HOXB3: variants seen among roughly 807,000 people sequenced by gnomAD.
HOXB3 encodes the protein homeobox protein Hox-B3.
In HOXB3, 17 loss-of-function variants were observed where a neutral mutation model predicts 29.2. That is an observed-to-expected ratio of 0.58 (90% CI 0.40 to 0.87). The LOEUF is 0.87. Ranked by LOEUF, HOXB3 falls within the 40% of genes least tolerant of loss-of-function variation. The pLI is 0.00. For missense variants in HOXB3, 637 were observed against 616.3 expected (o/e 1.03, Z -0.35); for synonymous variants, 317 against 285.9 (o/e 1.11, Z -1.10).
At chr17:48,557,689 G>T (rs778019425) in intron 2 of HOXB3, among the ~76,000 whole-genome samples, 3 of 152,190 alleles carry the variant, frequency 2.0e-5, no homozygotes, top group African/African-American at 7.2e-5. Context: ...GGGGAAGCAC[G>T]GGTTGGGGGA....
chr17:48,585,673 G>C (rs562878976), intron 1 of HOXB3, among the ~76,000 whole-genome samples: 1 of 152,272 alleles, frequency 6.6e-6, no homozygotes, highest in South Asian at 2.1e-4. Flanking sequence ...CCCTGGGAAG[G>C]ATTTCCTTTC....
Position 48,552,133 on chromosome 17 carries a change from G to T in HOXB3, c.342C>A (p.Pro114=), listed in dbSNP as rs537173051. The change falls in exon 4 of 5, where the codon CCC becomes CCA. Residue 114 remains proline (P), a synonymous_variant. Transcript: ENST00000498678. ...AGTTGGTGCCGGGACCGCACTTTGGGGGACCACTTTTGCTGGGCCCGCCCC... is the reference window on the plus strand; with the variant it reads ...AGTTGGTGCCGGGACCGCACTTTGGTGGACCACTTTTGCTGGGCCCGCCCC... ...SNGGGPSKSG[P]PKCGPGTNST... 50 of 1,613,996 alleles carry T rather than the reference G, an allele frequency of 3.1e-5. No individual in the cohort carries two copies. In the African/African-American group the frequency reaches 6.1e-4, roughly 20 times the overall value.
chr17:48,574,220 A>AG (rs1358060243), intron 1 of HOXB3: 6 of 210,578 alleles, frequency 2.8e-5, no homozygotes, highest in Middle Eastern at 3.8e-3. Flanking sequence ...GACATTCCTT[A>AG]GGGGGGCATA....
chr17:48,565,192 G>A (rs972092781), intron 2 of HOXB3, among the ~76,000 whole-genome samples: 2 of 152,200 alleles, frequency 1.3e-5, no homozygotes, highest in Admixed American at 1.3e-4. Context: ...CCCCCATGAT[G>A]AAATTCTGTT....
rs910527226 is a variant in HOXB3 at position 48,550,854 on chromosome 17, G to A, written c.776C>T (p.Pro259Leu). 12 of 1,613,770 alleles carry A rather than the reference G, an allele frequency of 7.4e-6. No individual in the cohort carries two copies. The highest frequency in any genetic ancestry group is 1.0e-5 in the Non-Finnish European group (12 of 1,179,906). Residue 259 changes from proline to leucine, a missense_variant, in exon 5 of 5, where the codon CCA (proline) becomes CTA (leucine). By Grantham distance (98) the Pro-to-Leu change is moderately conservative. Coordinates refer to ENST00000498678, the MANE Select transcript of HOXB3 (RefSeq NM_001384749.1). ...CTGCGGGGGGCTGCCGGCTGGAGAT[G>A]GGCCCCCCGACGACGAGGCCAATCC... is the stretch of plus-strand genomic sequence containing the variant. The part of the protein sequence containing the change: ...AKGLASSSGG[P>L]SPAGSPPQPM...
intron 2 of HOXB3, among the ~76,000 whole-genome samples, chr17:48,567,577 C>T (rs2069432440): frequency 6.6e-6 from 1 of 152,172 alleles, no homozygotes; most frequent in Non-Finnish European, 1.5e-5. Flanking sequence ...GGAACTGTGA[C>T]CTCCACATGA....
chr17:48,589,176 A>G (rs1364806980), intron 1 of HOXB3, among the ~76,000 whole-genome samples: 3 of 152,220 alleles, frequency 2.0e-5, no homozygotes, highest in Admixed American at 6.5e-5. Flanking sequence ...GGGGACTTTG[A>G]GGGTGTGCCC....
Position 48,550,662 on chromosome 17 carries a change from G to C in HOXB3, c.968C>G (p.Pro323Arg). ...CGGCTCATACTCGGGCGCCGGGGTC[G>C]GAGGGTACTTCTGCGGGGCGCCGCA... ...KGCGAPQKYP[P>R]TPAPEYEPHV... The change falls in exon 5 of 5, where the codon CCG becomes CGG. Residue 323 changes from proline to arginine, a missense_variant. Transcript: ENST00000498678. 5 of 1,526,414 alleles carry C rather than the reference G, an allele frequency of 3.3e-6. No individual in the cohort carries two copies. Among genetic ancestry groups the C allele is most frequent in the Non-Finnish European group, 4.4e-6 (5 of 1,139,618 alleles). 94.6% of individuals were successfully genotyped at this position (1,526,414 alleles called of 1,614,324 possible).
intron 1 of HOXB3, among the ~76,000 whole-genome samples, chr17:48,588,585 T>C (rs1302230072): frequency 1.3e-5 from 2 of 152,232 alleles, no homozygotes; most frequent in African/African-American, 4.8e-5. Context: ...TCAACTCCGT[T>C]GCCTTGTAGA....
intron 1 of HOXB3, chr17:48,578,214 C>A: frequency 1.2e-6 from 2 of 1,613,836 alleles, no homozygotes; most frequent in East Asian, 2.2e-5. Flanking sequence ...GCGTAGTACC[C>A]GGGCGAGTGG....
At chr17:48,578,212 C>A (rs1208083997) in intron 1 of HOXB3, 1 of 1,613,828 alleles carries the variant, frequency 6.2e-7, no homozygotes, top group African/African-American at 1.3e-5. Flanking sequence ...CGGCGTAGTA[C>A]CCGGGCGAGT....
chr17:48,558,022 T>G (rs12451108), intron 2 of HOXB3, among the ~76,000 whole-genome samples: 3,999 of 149,570 alleles, frequency 0.027, 192 homozygotes, highest in African/African-American at 0.094. Flanking sequence ...ACCTTTGGGG[T>G]TTTTTTTTCT....
rs927262323 is a variant in HOXB3, at chr17:48,570,365, G to A, written c.-247+3472C>T. Among the ~76,000 whole-genome samples, 5 of 152,244 alleles carry A rather than the reference G, an allele frequency of 3.3e-5. No homozygotes were observed. The East Asian group carries it at 9.6e-4, about 29-fold the overall frequency. On this transcript the variant is annotated intron_variant, in intron 2 of 4. Transcript: ENST00000498678. ...GCAACTAGAATCAGAGTTCTCGGCC[G>A]GGGCATGGGATGGGGGGTGGGGATG...
chr17:48,589,360 A>AAGCG (rs2144925705), intron 1 of HOXB3, among the ~76,000 whole-genome samples: 1 of 152,266 alleles, frequency 6.6e-6, no homozygotes, highest in African/African-American at 2.4e-5. Context: ...GCAAGAGAAG[A>AAGCG]AGCTCTTCCC....
intron 2 of HOXB3, among the ~76,000 whole-genome samples, chr17:48,566,813 C>T (rs532051998): frequency 1.4e-4 from 22 of 152,284 alleles, no homozygotes; most frequent in South Asian, 1.2e-3. Context: ...TGAGGGAGAA[C>T]GCACCCTCTT....
chr17:48,557,425 C>T (rs1367783520), intron 2 of HOXB3: 1 of 152,310 alleles, frequency 6.6e-6, no homozygotes, highest in Non-Finnish European at 1.5e-5. Context: ...CAAAGCTTCC[C>T]TCATTCCCTC....
At chr17:48,577,892 G>T in intron 1 of HOXB3, 1 of 1,386,730 alleles carries the variant, frequency 7.2e-7, no homozygotes. Context: ...GCGCATCCAG[G>T]GGTAGACGAC....
At chr17:48,578,050 G>A in intron 1 of HOXB3, 5 of 1,170,450 alleles carry the variant, frequency 4.3e-6, no homozygotes, top group Non-Finnish European at 5.3e-6. Flanking sequence ...GAGCCCGAGG[G>A]GACAGACCGG....
At chr17:48,586,326 G>A (rs556544101) in intron 1 of HOXB3, among the ~76,000 whole-genome samples, 170 of 152,300 alleles carry the variant, frequency 1.1e-3, no homozygotes, top group African/African-American at 3.9e-3. Context: ...TACTCTCCAG[G>A]CTCCCAAATT....
Sources: allele counts gnomAD v4.1 joint callset (sites outside exome capture counted in the v4.1 genomes callset), GRCh38; gene constraint gnomAD v4.1.1; transcripts MANE v1.5; gene names NCBI Gene and HGNC (gene_info 2026-07-23, HGNC 2026-07-21).